The following TMCC1 variants were observed in gnomAD, a reference collection of about 807,000 sequenced individuals.
TMCC1 encodes the protein transmembrane and coiled-coil domains protein 1.
In TMCC1, 15 loss-of-function variants were observed where a neutral mutation model predicts 52.4. The ratio of observed to expected loss-of-function variants is 0.29; its 90% confidence interval spans 0.19 to 0.44. The LOEUF (loss-of-function observed/expected upper bound fraction) is 0.44, where lower values mean the gene tolerates loss of function less well. TMCC1 is among the 20% of genes least tolerant of loss of function. The pLI is 1.00. For missense variants in TMCC1, 503 were observed against 806.0 expected, an observed-to-expected ratio of 0.62 and a Z score of 4.55; for synonymous variants, 279 against 301.9, an observed-to-expected ratio of 0.92 and a Z score of 0.79.
intron 4 of TMCC1, among the ~76,000 whole-genome samples, chr3:129,777,496 C>A (rs2055136409): frequency 6.6e-6 from 1 of 152,174 alleles, no homozygotes; most frequent in Non-Finnish European, 1.5e-5. Flanking sequence ...GGCACAAAAG[C>A]ATTTAAATGA....
intron 2 of TMCC1, among the ~76,000 whole-genome samples, chr3:129,844,653 T>C (rs1482175210): frequency 6.6e-6 from 1 of 152,210 alleles, no homozygotes; most frequent in Non-Finnish European, 1.5e-5. Context: ...TCATTCTGCC[T>C]TGATTCTAAC....
At chr3:129,658,592 G>A (rs890470412) in intron 5 of TMCC1, among the ~76,000 whole-genome samples, 1 of 152,066 alleles carries the variant, frequency 6.6e-6, no homozygotes, top group African/African-American at 2.4e-5. Context: ...GGCCTTTTTT[G>A]TTCAGACCCA....
At chr3:129,877,696 T>C (rs1423666260) in intron 2 of TMCC1, among the ~76,000 whole-genome samples, 1 of 150,090 alleles carries the variant, frequency 6.7e-6, no homozygotes, top group Non-Finnish European at 1.5e-5. Context: ...TGGCGCAATC[T>C]TGGCTCATTG....
chr3:129,870,309 A>G (rs549908269), intron 2 of TMCC1, among the ~76,000 whole-genome samples: 1 of 152,240 alleles, frequency 6.6e-6, no homozygotes, highest in Admixed American at 6.5e-5. Flanking sequence ...TTCAGTACCA[A>G]TATCAGCAAT....
intron 4 of TMCC1, among the ~76,000 whole-genome samples, chr3:129,762,040 T>C (rs2053655473): frequency 7.1e-6 from 1 of 140,576 alleles, no homozygotes; most frequent in African/African-American, 2.6e-5. Context: ...ATTTCTAACT[T>C]TTTTTTTTTT....
chr3:129,789,800 T>A (rs578242992), intron 4 of TMCC1, among the ~76,000 whole-genome samples: 1 of 152,292 alleles, frequency 6.6e-6, no homozygotes, highest in South Asian at 2.1e-4. Context: ...TAATTTTCTT[T>A]TATTGATAAC....
chr3:129,657,153 G>A (rs1394458426), intron 5 of TMCC1, among the ~76,000 whole-genome samples: 3 of 152,110 alleles, frequency 2.0e-5, no homozygotes, highest in Non-Finnish European at 4.4e-5. Context: ...TGGCAGGGAG[G>A]GGAGCAGGGT....
At chr3:129,758,817 C>G (rs776556632) in intron 4 of TMCC1, among the ~76,000 whole-genome samples, 3 of 152,160 alleles carry the variant, frequency 2.0e-5, no homozygotes, top group Non-Finnish European at 4.4e-5. Context: ...ACCCAATAAA[C>G]AATTCCCCAT....
At chr3:129,813,497 A>G (rs972464110) in intron 4 of TMCC1, among the ~76,000 whole-genome samples, 2 of 152,130 alleles carry the variant, frequency 1.3e-5, no homozygotes, top group African/African-American at 4.8e-5. Context: ...TAATGAGATC[A>G]TGTCCTTACG....
chr3:129,772,033 G>A (rs994698662), intron 4 of TMCC1, among the ~76,000 whole-genome samples: 31 of 152,104 alleles, frequency 2.0e-4, no homozygotes, highest in Non-Finnish European at 1.5e-5. Flanking sequence ...AGACAAAAAT[G>A]TTAATGCAAA....
intron 4 of TMCC1, among the ~76,000 whole-genome samples, chr3:129,797,485 T>C (rs762962085): frequency 2.0e-5 from 3 of 152,232 alleles, no homozygotes; most frequent in Non-Finnish European, 4.4e-5. Context: ...CTTATGCCTG[T>C]GATCCCTGCA....
chr3:129,835,204 A>T (rs1009462471), intron 2 of TMCC1, among the ~76,000 whole-genome samples: 1 of 152,082 alleles, frequency 6.6e-6, no homozygotes, highest in Non-Finnish European at 1.5e-5. Flanking sequence ...CCTTTTTCCT[A>T]AGGTCCTTAG....
chr3:129,786,029 G>T (rs2056005916), intron 4 of TMCC1, among the ~76,000 whole-genome samples: 1 of 148,980 alleles, frequency 6.7e-6, no homozygotes. Flanking sequence ...TCGCCTTCTA[G>T]GTTCAAGTGA....
chr3:129,651,491 G>A lies in TMCC1; in HGVS notation c.1952C>T (p.Ser651Phe). ...CCTTCTGTGCCAGCATCATCTAGGG[G>A]ATGAAAAGAACCGTTCCACATAGCT... Reference protein sequence around the residue: ...LFSYVERFFSSPR With the variant: ...LFSYVERFFSFPR The change falls in exon 7 of 7, where the codon TCC becomes TTC. Residue 651 changes from serine to phenylalanine, a missense_variant. Transcript: ENST00000393238. This position sits in a 1 kb window ranked among gnomAD's most constrained non-coding sequence, Gnocchi z 5.1. 1 of 1,613,478 alleles carries A rather than the reference G, an allele frequency of 6.2e-7. No homozygotes were observed. Among genetic ancestry groups the A allele is most frequent in the Non-Finnish European group, 8.5e-7 (1 of 1,179,528 alleles).
At chr3:129,664,180 G>C (rs2087264695) in intron 5 of TMCC1, among the ~76,000 whole-genome samples, 1 of 152,122 alleles carries the variant, frequency 6.6e-6, no homozygotes, top group Non-Finnish European at 1.5e-5. Flanking sequence ...AGTACCCTCA[G>C]TTTCTATTTC....
chr3:129,841,402 T>C (rs1317118864), intron 2 of TMCC1, among the ~76,000 whole-genome samples: 1 of 152,078 alleles, frequency 6.6e-6, no homozygotes, highest in Admixed American at 6.5e-5. Flanking sequence ...ATCTGGCCAA[T>C]ATGGTGAAAC....
intron 4 of TMCC1, among the ~76,000 whole-genome samples, chr3:129,700,213 C>G (rs1277402283): frequency 6.6e-6 from 1 of 151,568 alleles, no homozygotes; most frequent in Non-Finnish European, 1.5e-5. Flanking sequence ...TGTCTCTAAT[C>G]TTTATTTTTT....
At chr3:129,811,955 A>AG (rs1225069439) in intron 4 of TMCC1, among the ~76,000 whole-genome samples, 2 of 151,570 alleles carry the variant, frequency 1.3e-5, no homozygotes, top group Non-Finnish European at 2.9e-5. Context: ...ATTTAAAAAA[A>AG]AAAAAAAGAA....
chr3:129,784,549 G>C (rs2055825144), intron 4 of TMCC1, among the ~76,000 whole-genome samples: 1 of 150,204 alleles, frequency 6.7e-6, no homozygotes, highest in Non-Finnish European at 1.5e-5. Flanking sequence ...CTGGGTGACA[G>C]AGCGAGACTC....
Sources: gnomAD v4.1 joint callset for allele counts (sites outside exome capture counted in the v4.1 genomes callset) on GRCh38, gnomAD v4.1.1 for gene constraint, Gnocchi (gnomAD v3.1) non-coding constraint, MANE v1.5 for transcripts, NCBI Gene and HGNC (gene_info 2026-07-23, HGNC 2026-07-21) for gene names.